The following ZNF875 variants were observed in gnomAD, a reference collection of about 807,000 sequenced individuals.
ZNF875 encodes zinc finger protein 875, also known as HKR1, GLI-Kruppel zinc finger family member.
A neutral mutation model predicts 11.2 loss-of-function variants in ZNF875; 14 were observed. The observed-to-expected ratio is 1.26, with a 90% CI of 0.83 to 1.96. The LOEUF is 1.96. Among genes scored for constraint, ZNF875 ranks in the 30% most tolerant of loss-of-function variants. ZNF875 has a pLI of 0.00. For synonymous variants in ZNF875, 301 were observed against 281.1 expected, an observed-to-expected ratio of 1.07 and a Z score of -0.71; for missense variants, 752 against 760.4, an observed-to-expected ratio of 0.99 and a Z score of 0.13.
At chr19:37,362,076 A>AT (rs746754947) in intron 4 of ZNF875, 33 bp from the exon 5 acceptor site, 1 of 1,521,232 alleles carries the variant, frequency 6.6e-7, no homozygotes, top group Non-Finnish European at 9.0e-7. Context: ...AGCCCTACCT[A>AT]TGGCCCCTCT....
chr19:37,360,000 T>C (rs989978753), intron 4 of ZNF875, among the ~76,000 whole-genome samples: 12 of 152,210 alleles, frequency 7.9e-5, no homozygotes, highest in Admixed American at 3.3e-4. Flanking sequence ...ACTTTATTCT[T>C]AACTCAAGGT....
chr19:37,323,902 G>T (rs1568563622), intron 3 of ZNF875, among the ~76,000 whole-genome samples: 1 of 152,224 alleles, frequency 6.6e-6, no homozygotes, highest in Non-Finnish European at 1.5e-5. Context: ...CTCTTCTGAT[G>T]CAGGGCCCCA....
upstream of ZNF875, among the ~76,000 whole-genome samples, chr19:37,314,115 T>TA (rs1390775077): frequency 2.6e-5 from 4 of 152,138 alleles, no homozygotes; most frequent in Admixed American, 2.6e-4. Context: ...AAATTCTAAT[T>TA]AAAAAAAATT....
chr19:37,324,679 A>G (rs368811713), intron 4 of ZNF875: 77 of 152,364 alleles, frequency 5.1e-4, no homozygotes, highest in African/African-American at 1.8e-3. Flanking sequence ...TTAAACTGCC[A>G]TTTCAGTTAC....
rs1457750711 is a variant in ZNF875, at chr19:37,351,254, T to G, written c.256+3382T>G. 2.0e-5 allele frequency among the ~76,000 whole-genome samples: 3 copies of G among 152,220 alleles called. No individual in the cohort carries two copies. In the East Asian group the frequency reaches 5.8e-4, roughly 29 times the overall value. ...CATAATGTTCATAATATTCCCAAAT[T>G]TCTTTAAAAGTGTGTATATTTCTCT... On this transcript the variant is annotated intron_variant, in intron 4 of 4. Transcript: ENST00000392153.
chr19:37,321,800 C>T (rs1482994380), intron 1 of ZNF875, among the ~76,000 whole-genome samples: 3 of 152,082 alleles, frequency 2.0e-5, no homozygotes, highest in East Asian at 1.9e-4. Flanking sequence ...GAGAGGACAT[C>T]GATTCTGCCT....
In ZNF875 at chr19:37,363,324, C is replaced by G. The variant is rs1402646628; in HGVS notation, c.1472C>G (p.Ser491Ter). ...TGTGGGCGAGGCTTTACCCGGAAAT[C>G]AACCCTGAGCACGCACCAGAGGACA... Reference protein sequence around the residue: ...TECGRGFTRKSTLSTHQRTHS... With the variant: ...TECGRGFTRK The change falls in exon 5 of 5, where the codon TCA (serine) becomes TGA (stop). Residue 491 changes from serine (S) to a stop codon, truncating the protein, a stop_gained. Transcript: ENST00000392153. LOFTEE classifies it low-confidence loss of function (END_TRUNC). The G allele has an allele frequency of 6.8e-6, 11 of 1,610,846 alleles. No individual in the cohort carries two copies. Among genetic ancestry groups the G allele is most frequent in the Non-Finnish European group, 8.5e-6 (10 of 1,177,760 alleles).
At chr19:37,334,332 A>C (rs891923093), upstream of ZNF875, among the ~76,000 whole-genome samples, 3 of 152,198 alleles carry the variant, frequency 2.0e-5, no homozygotes, top group African/African-American at 7.2e-5. Flanking sequence ...GCTCACCCGC[A>C]CCTTGAAGGT....
rs1335094445 is a variant in ZNF875 at position 37,347,286 on chromosome 19, C to G, written c.130C>G (p.Leu44Val). The G allele has an allele frequency of 6.2e-7, 1 of 1,613,958 alleles. No individual in the cohort carries two copies. The highest frequency in any genetic ancestry group is 2.2e-5 in the East Asian group (1 of 44,882). ...AQRTLHREVM[L>V]ETYNHLVSLE... is the part of the protein sequence containing the mutation. ...GAGGACCCTGCACAGGGAGGTGATG[C>G]TGGAGACTTATAACCATCTGGTCTC... The change falls in exon 3 of 5, where the codon CTG becomes GTG. Residue 44 changes from leucine (L) to valine (V), a missense_variant. Coordinates refer to ENST00000392153, the MANE Select transcript of ZNF875 (RefSeq NM_001353803.2).
chr19:37,344,672 T>G, intron 2 of ZNF875: 1 of 1,612,638 alleles, frequency 6.2e-7, no homozygotes. Context: ...GTGGGAGAGA[T>G]TTGGAGTGAA....
upstream of ZNF875, among the ~76,000 whole-genome samples, chr19:37,332,726 T>C (rs948733476): frequency 2.0e-5 from 3 of 152,252 alleles, no homozygotes; most frequent in Admixed American, 6.5e-5. Context: ...TTTGCTTTTT[T>C]GTTTTTTGCT....
At chr19:37,350,015 A>T (rs1600128516) in intron 4 of ZNF875, among the ~76,000 whole-genome samples, 1 of 97,206 alleles carries the variant, frequency 1.0e-5, no homozygotes, top group East Asian at 3.4e-4. Flanking sequence ...GCCAGGCTGG[A>T]GTGCAAAGGC....
chr19:37,332,204 A>AGTATTGAT (rs2145846004), upstream of ZNF875, among the ~76,000 whole-genome samples: 1 of 149,600 alleles, frequency 6.7e-6, no homozygotes, highest in Admixed American at 6.7e-5. Context: ...ATCAATAAAT[A>AGTATTGAT]CTAAGGGAAC....
intron 1 of ZNF875, among the ~76,000 whole-genome samples, chr19:37,321,330 G>C (rs576520003): frequency 6.6e-6 from 1 of 152,298 alleles, no homozygotes; most frequent in South Asian, 2.1e-4. Context: ...CCGATTAACT[G>C]CTCTTTAATG....
At chr19:37,319,790 C>T (rs1371459127) in intron 1 of ZNF875, among the ~76,000 whole-genome samples, 1 of 152,040 alleles carries the variant, frequency 6.6e-6, no homozygotes, top group African/African-American at 2.4e-5. Flanking sequence ...CATTTTTTTC[C>T]TCTCTCTCTT....
rs2040056506 is a variant in ZNF875, at chr19:37,362,220, T to C, written c.368T>C (p.Leu123Ser). The C allele has an allele frequency of 6.2e-7, 1 of 1,614,010 alleles. No individual in the cohort carries two copies. Among genetic ancestry groups the C allele is most frequent in the Non-Finnish European group, 8.5e-7 (1 of 1,180,010 alleles). Residue 123 changes from leucine (L) to serine (S), a missense_variant, in exon 5 of 5, where the codon TTA becomes TCA. Coordinates refer to ENST00000392153, the MANE Select transcript of ZNF875 (RefSeq NM_001353803.2). ...LSHLSQLFSS[L>S]WAGNPLHLGK... ...CATCTCTCTCAGCTGTTTTCAAGTT[T>C]ATGGGCAGGAAATCCTCTCCACCTG... is the stretch of plus-strand genomic sequence containing the variant.
At chr19:37,316,808 G>A (rs1448707708), upstream of ZNF875, among the ~76,000 whole-genome samples, 3 of 150,388 alleles carry the variant, frequency 2.0e-5, no homozygotes, top group Non-Finnish European at 4.4e-5. Context: ...GATTACAGGC[G>A]CCCGCCACCA....
At chr19:37,334,345 G>T (rs2145879555), upstream of ZNF875, among the ~76,000 whole-genome samples, 1 of 152,346 alleles carries the variant, frequency 6.6e-6, no homozygotes, top group Middle Eastern at 3.4e-3. Flanking sequence ...TTGAAGGTCA[G>T]CGCACACTGG....
chr19:37,326,185 G>A (rs973508176), intron 4 of ZNF875, among the ~76,000 whole-genome samples: 13 of 152,162 alleles, frequency 8.5e-5, no homozygotes, highest in African/African-American at 3.1e-4. Flanking sequence ...TTTAAAATGT[G>A]TTTTCCACTT....
Sources: gnomAD v4.1 joint callset for allele counts (sites outside exome capture counted in the v4.1 genomes callset) on GRCh38, gnomAD v4.1.1 for gene constraint, MANE v1.5 for transcripts, NCBI Gene and HGNC (gene_info 2026-07-23, HGNC 2026-07-21) for gene names.